OR1B1: variants seen among roughly 807,000 people sequenced by gnomAD.
OR1B1 encodes the protein olfactory receptor family 1 subfamily B member 1.
For missense variants in OR1B1, 414 were observed against 402.1 expected, an observed-to-expected ratio of 1.03 and a Z score of -0.25; for synonymous variants, 168 against 156.2, an observed-to-expected ratio of 1.08 and a Z score of -0.57.
At chr9:122,643,100 C>T in the OR1B1 span, among the ~76,000 whole-genome samples, 31 of 137,542 alleles carry the variant, frequency 2.3e-4, no homozygotes, top group Middle Eastern at 3.5e-3. Context: ...TCTCACTGGA[C>T]CACCTAATTT....
chr9:122,628,264 A>C (rs986231809), downstream of OR1B1, among the ~76,000 whole-genome samples: 6 of 152,162 alleles, frequency 3.9e-5, no homozygotes, highest in African/African-American at 1.4e-4. Context: ...TAGTTTCACA[A>C]TCCTATCCTC....
the OR1B1 span, among the ~76,000 whole-genome samples, chr9:122,641,700 T>C: frequency 8.5e-5 from 13 of 152,304 alleles, no homozygotes; most frequent in African/African-American, 2.9e-4. Flanking sequence ...ATGGTGACTA[T>C]AGTTATCAAC....
In OR1B1 at chr9:122,629,112, G is replaced by A. The variant is rs139868007; in HGVS notation, c.424C>T (p.Arg142Trp). ...CTCAAGGCTAGTAAGCAGGCACACC[G>A]TTGGTGATTCATTACCAAAGCATAG... Residue 142 changes from arginine (R) to tryptophan (W), a missense_variant, in exon 1 of 1, where the codon CGG becomes TGG. Coordinates refer to ENST00000623530, the Ensembl canonical transcript of OR1B1. 1.1e-4 allele frequency: 179 copies of A among 1,614,092 alleles called. No individual in the cohort carries two copies. The East Asian group carries it at 1.3e-3, about 11-fold the overall frequency.
the OR1B1 span, among the ~76,000 whole-genome samples, chr9:122,645,056 T>G: frequency 2.0e-5 from 3 of 152,124 alleles, no homozygotes; most frequent in African/African-American, 7.2e-5. Context: ...GAAAAGGAAT[T>G]CAGAATCATA....
chr9:122,628,430 T>C (rs1362201808), downstream of OR1B1: 5 of 624,888 alleles, frequency 8.0e-6, no homozygotes, highest in East Asian at 1.3e-4. Flanking sequence ...TGTTCATGGC[T>C]CCATCAAAGC....
At chr9:122,638,605 A>T in the OR1B1 span, among the ~76,000 whole-genome samples, 5 of 152,144 alleles carry the variant, frequency 3.3e-5, no homozygotes, top group African/African-American at 1.2e-4. Context: ...ATAATCAGAG[A>T]TTTATCTCCA....
At chr9:122,631,985 C>A (rs1830208350), upstream of OR1B1, among the ~76,000 whole-genome samples, 1 of 151,936 alleles carries the variant, frequency 6.6e-6, no homozygotes, top group African/African-American at 2.4e-5. Flanking sequence ...AATAAAAAAT[C>A]AACATAAAAA....
the OR1B1 span, among the ~76,000 whole-genome samples, chr9:122,635,362 G>C: frequency 6.6e-6 from 1 of 152,148 alleles, no homozygotes; most frequent in Non-Finnish European, 1.5e-5. Flanking sequence ...ATTAGCAGGA[G>C]TCGGGGAAGG....
chr9:122,628,555 T>G (rs774784374), downstream of OR1B1: 2 of 1,479,538 alleles, frequency 1.4e-6, no homozygotes, highest in Non-Finnish European at 1.9e-6. Flanking sequence ...TCTCACCTAT[T>G]CAATATGGCC....
upstream of OR1B1, among the ~76,000 whole-genome samples, chr9:122,634,283 C>T (rs973695558): frequency 6.9e-6 from 1 of 145,660 alleles, no homozygotes; most frequent in African/African-American, 2.6e-5. Flanking sequence ...TTGTGGTGAG[C>T]AGAGATCATG....
At chr9:122,628,206 C>T (rs967782209), downstream of OR1B1, among the ~76,000 whole-genome samples, 2 of 152,110 alleles carry the variant, frequency 1.3e-5, no homozygotes, top group African/African-American at 4.8e-5. Context: ...CACACACCAA[C>T]CTAAATGTGA....
the OR1B1 span, among the ~76,000 whole-genome samples, chr9:122,657,248 C>T: frequency 6.8e-6 from 1 of 147,858 alleles, no homozygotes; most frequent in African/African-American, 2.6e-5. Flanking sequence ...TAGAACTTAC[C>T]AGAAGTGTCT....
chr9:122,640,600 G>A, the OR1B1 span, among the ~76,000 whole-genome samples: 2 of 152,116 alleles, frequency 1.3e-5, no homozygotes, highest in Non-Finnish European at 2.9e-5. Flanking sequence ...CAATCGTATT[G>A]GAGATTTTAA....
At chr9:122,654,847 T>A in the OR1B1 span, among the ~76,000 whole-genome samples, 1 of 152,230 alleles carries the variant, frequency 6.6e-6, no homozygotes, top group Non-Finnish European at 1.5e-5. Context: ...ATAACAGGAT[T>A]TCCCCCCTTT....
the OR1B1 span, among the ~76,000 whole-genome samples, chr9:122,655,563 G>A: frequency 6.6e-5 from 10 of 152,124 alleles, no homozygotes; most frequent in African/African-American, 9.6e-5. Context: ...GCTGGAAGCC[G>A]TGATCCTCAG....
exon 1 of OR1B1, chr9:122,629,205 C>T: frequency 6.2e-7 from 1 of 1,613,984 alleles, no homozygotes; most frequent in Non-Finnish European, 8.5e-7. Context: ...GTATCTGTAA[C>T]CCCAAATGCA....
the OR1B1 span, among the ~76,000 whole-genome samples, chr9:122,649,389 A>G: frequency 3.6e-4 from 55 of 152,248 alleles, no homozygotes; most frequent in Non-Finnish European, 7.3e-4. Context: ...AACAAAAGCC[A>G]AAATTGACAA....
At chr9:122,633,701 A>G (rs2118814260), upstream of OR1B1, among the ~76,000 whole-genome samples, 1 of 152,190 alleles carries the variant, frequency 6.6e-6, no homozygotes, top group Non-Finnish European at 1.5e-5. Context: ...AAGCCAAGGC[A>G]GGCAGATCAC....
chr9:122,638,165 T>C, the OR1B1 span, among the ~76,000 whole-genome samples: 1,307 of 152,188 alleles, frequency 8.6e-3, 21 homozygotes, highest in African/African-American at 0.03. Context: ...ATTCTAGAAA[T>C]ATGCAGGAAA....
Sources: allele counts gnomAD v4.1 joint callset (sites outside exome capture counted in the v4.1 genomes callset), GRCh38; gene constraint gnomAD v4.1.1; transcripts MANE v1.5; gene names NCBI Gene and HGNC (gene_info 2026-07-23, HGNC 2026-07-21).